USP10: variants seen among roughly 807,000 people sequenced by gnomAD.
USP10 encodes ubiquitin specific peptidase 10.
In USP10, 22 loss-of-function variants were observed where a neutral mutation model predicts 84.5. That is an observed-to-expected ratio of 0.26 (90% CI 0.19 to 0.37). The LOEUF (loss-of-function observed/expected upper bound fraction) is 0.37, where lower values mean the gene tolerates loss of function less well. Among genes scored for constraint, USP10 ranks in the 10% least tolerant of loss-of-function variants. The pLI is 1.00. For missense variants in USP10, 1,019 were observed against 998.9 expected (o/e 1.02, Z -0.27); for synonymous variants, 454 against 387.6 (o/e 1.17, Z -2.01).
In USP10 at chr16:84,768,144, T is replaced by C. The variant is rs1324915050; in HGVS notation, c.1833-49T>C. 8.0e-6 allele frequency: 12 copies of C among 1,506,494 alleles called. No homozygotes were observed. The African/African-American group carries it at 1.7e-4, about 21-fold the overall frequency. 93.3% of individuals were successfully genotyped at this position (1,506,494 alleles called of 1,614,324 possible). A position where few individuals can be genotyped will look rare whatever the true frequency, so the allele number is the denominator to read the frequency against. On this transcript the variant is annotated intron_variant, in intron 10 of 13. Coordinates refer to ENST00000219473, the MANE Select transcript of USP10 (RefSeq NM_005153.3). ...TCCCTTGGTTAATCTTAAGGGAAAGTGGCAAGGAGTGGTCTCTTAATTTTT... is the reference window on the plus strand; with the variant it reads ...TCCCTTGGTTAATCTTAAGGGAAAGCGGCAAGGAGTGGTCTCTTAATTTTT...
At chr16:84,755,601 A>C (rs1912440170) in intron 4 of USP10, among the ~76,000 whole-genome samples, 1 of 152,010 alleles carries the variant, frequency 6.6e-6, no homozygotes, top group Admixed American at 6.6e-5. Flanking sequence ...ACGCCACTGC[A>C]CTCCAGCCTG....
At chr16:84,753,599 G>A (rs1372623570) in intron 4 of USP10, among the ~76,000 whole-genome samples, 1 of 152,198 alleles carries the variant, frequency 6.6e-6, no homozygotes, top group African/African-American at 2.4e-5. Context: ...GGCAGAGCCA[G>A]GGCGCGAACC....
intron 1 of USP10, among the ~76,000 whole-genome samples, chr16:84,711,448 A>C (rs1906278025): frequency 6.6e-6 from 1 of 152,202 alleles, no homozygotes; most frequent in Non-Finnish European, 1.5e-5. Context: ...CCTGGTTGTC[A>C]ACATCTCTGA....
intron 9 of USP10, among the ~76,000 whole-genome samples, chr16:84,763,436 C>T (rs1597387469): frequency 6.6e-6 from 1 of 152,052 alleles, no homozygotes; most frequent in Non-Finnish European, 1.5e-5. Context: ...CTTATCTGTC[C>T]ATCCATATAT....
intron 2 of USP10, among the ~76,000 whole-genome samples, chr16:84,739,603 C>G (rs1156264463): frequency 6.6e-6 from 1 of 152,112 alleles, no homozygotes; most frequent in East Asian, 1.9e-4. Flanking sequence ...CCCAATGTGT[C>G]CATTGGAAGC....
chr16:84,771,153 A>G (rs1297150978), intron 11 of USP10, among the ~76,000 whole-genome samples: 2 of 152,204 alleles, frequency 1.3e-5, no homozygotes, highest in Non-Finnish European at 2.9e-5. Context: ...GTAAAGATGC[A>G]TCTTAGTGAC....
chr16:84,730,791 G>C (rs1909112651), intron 1 of USP10, among the ~76,000 whole-genome samples: 1 of 152,098 alleles, frequency 6.6e-6, no homozygotes, highest in Admixed American at 6.5e-5. Flanking sequence ...TTAGAAGTAT[G>C]ATTTAAATAA....
intron 1 of USP10, among the ~76,000 whole-genome samples, chr16:84,731,752 A>G (rs1407774155): frequency 6.7e-6 from 1 of 150,036 alleles, no homozygotes; most frequent in Admixed American, 6.7e-5. Context: ...ATTTCCGCGA[A>G]CACTTTCATG....
chr16:84,737,170 A>AG (rs1910045661), intron 2 of USP10, among the ~76,000 whole-genome samples: 2 of 152,238 alleles, frequency 1.3e-5, no homozygotes, highest in African/African-American at 4.8e-5. Context: ...ACACACAGGT[A>AG]GCCCAGAGGG....
chr16:84,741,980 C>T (rs543594388), intron 3 of USP10, among the ~76,000 whole-genome samples: 1 of 152,352 alleles, frequency 6.6e-6, no homozygotes, highest in African/African-American at 2.4e-5. Context: ...TCTGCTCCCT[C>T]CCACTACCTC....
chr16:84,702,796 C>T (rs1461542695), intron 1 of USP10, among the ~76,000 whole-genome samples: 1 of 151,836 alleles, frequency 6.6e-6, no homozygotes, highest in Non-Finnish European at 1.5e-5. Context: ...GGTTCGAGAT[C>T]AGCCTGACCA....
chr16:84,773,022 C>G (rs1318763304), intron 12 of USP10, among the ~76,000 whole-genome samples: 5 of 152,126 alleles, frequency 3.3e-5, no homozygotes, highest in Admixed American at 2.0e-4. Flanking sequence ...GCTGTGTTGA[C>G]TAGCCCAGTT....
At chr16:84,757,400 G>GTGTGT (rs1555546460) in intron 4 of USP10, among the ~76,000 whole-genome samples, 630 of 61,156 alleles carry the variant, frequency 0.01, 6 homozygotes, top group African/African-American at 0.034. Context: ...GAGAGGGGTG[G>GTGTGT]GGGTGTGTGT....
intron 13 of USP10, among the ~76,000 whole-genome samples, chr16:84,778,170 C>T (rs985644965): frequency 3.4e-5 from 5 of 147,490 alleles, no homozygotes; most frequent in Admixed American, 1.4e-4. Flanking sequence ...AAGGCAAATG[C>T]GTAACTACCA....
intron 1 of USP10, among the ~76,000 whole-genome samples, chr16:84,728,358 C>T (rs1244857494): frequency 6.7e-6 from 1 of 149,032 alleles, no homozygotes; most frequent in Non-Finnish European, 1.5e-5. Context: ...GCCTTTTTTA[C>T]TTTTTTTTTT....
intron 2 of USP10, among the ~76,000 whole-genome samples, chr16:84,736,279 T>C (rs1909928537): frequency 6.6e-6 from 1 of 152,232 alleles, no homozygotes. Flanking sequence ...TTTTCTCTAC[T>C]TGGGGCCATG....
intron 1 of USP10, among the ~76,000 whole-genome samples, chr16:84,720,324 T>C (rs574703831): frequency 1.2e-4 from 18 of 152,318 alleles, no homozygotes; most frequent in African/African-American, 4.1e-4. Context: ...AAAAATCCTG[T>C]AGAACAGATG....
At chr16:84,750,184 G>A (rs979033639) in intron 4 of USP10, among the ~76,000 whole-genome samples, 1 of 152,112 alleles carries the variant, frequency 6.6e-6, no homozygotes, top group African/African-American at 2.4e-5. Flanking sequence ...GAGGTGGGTG[G>A]ATCCCTTGAG....
At chr16:84,757,165 A>G (rs1027928448) in intron 4 of USP10, among the ~76,000 whole-genome samples, 7 of 152,194 alleles carry the variant, frequency 4.6e-5, no homozygotes, top group African/African-American at 1.7e-4. Context: ...CATCACATGC[A>G]GGCTTGGGGT....
Sources: allele counts gnomAD v4.1 joint callset (sites outside exome capture counted in the v4.1 genomes callset), GRCh38; gene constraint gnomAD v4.1.1; transcripts MANE v1.5; gene names NCBI Gene and HGNC (gene_info 2026-07-23, HGNC 2026-07-21).